The following ADARB2 variants were observed in gnomAD, a reference collection of about 807,000 sequenced individuals.
ADARB2 encodes adenosine deaminase RNA specific B2 (inactive), also known as inactive double-stranded RNA-specific editase B2.
A neutral mutation model predicts 62.2 loss-of-function variants in ADARB2; 25 were observed. The ratio of observed to expected loss-of-function variants is 0.40; its 90% CI spans 0.29 to 0.56. The LOEUF (loss-of-function observed/expected upper bound fraction) is 0.56, where lower values mean the gene tolerates loss of function less well. Among genes scored for constraint, ADARB2 ranks in the 20% least tolerant of loss-of-function variants. The probability of loss-of-function intolerance (pLI) is 0.43; values close to 1 mark genes in which losing one functional copy is unlikely to be tolerated. For synonymous variants in ADARB2, 572 were observed against 500.8 expected, an observed-to-expected ratio of 1.14 and a Z score of -1.90; for missense variants, 1,071 against 1,077.4, an observed-to-expected ratio of 0.99 and a Z score of 0.08.
intron 1 of ADARB2, among the ~76,000 whole-genome samples, chr10:1,596,382 G>T (rs1253699836): frequency 6.6e-6 from 1 of 152,182 alleles, no homozygotes; most frequent in African/African-American, 2.4e-5. Context: ...GGATCCTTTT[G>T]GCCTCCCTGT....
At chr10:1,348,362 G>A (rs745680163) in intron 3 of ADARB2, among the ~76,000 whole-genome samples, 10 of 152,292 alleles carry the variant, frequency 6.6e-5, no homozygotes, top group South Asian at 2.1e-4. Context: ...GGGCCTCTGT[G>A]GTGACTCTGA....
At chr10:1,302,365 C>A (rs1012347597) in intron 3 of ADARB2, among the ~76,000 whole-genome samples, 1 of 152,224 alleles carries the variant, frequency 6.6e-6, no homozygotes, top group Non-Finnish European at 1.5e-5. Flanking sequence ...CCACACCTGG[C>A]TCGGAGGGTC....
At chr10:1,474,496 C>T (rs1831372483) in intron 1 of ADARB2, among the ~76,000 whole-genome samples, 1 of 152,196 alleles carries the variant, frequency 6.6e-6, no homozygotes, top group Admixed American at 6.5e-5. Flanking sequence ...TCCCAGGAGG[C>T]TGGTGGCACC....
At position 1,437,231 on chromosome 10, in the gene ADARB2, T is replaced by C. The variant is rs1033792680; in HGVS notation, c.101-58071A>G. On this transcript the variant is annotated intron_variant, in intron 1 of 9. Transcript: ENST00000381312. ...ATAATTTGGTATACATATATATATA[T>C]ACACACACACACATATATATACACA... Among the ~76,000 whole-genome samples, 13 of 146,268 alleles carry C rather than the reference T, an allele frequency of 8.9e-5. 1 individual carries two copies. The highest frequency in any genetic ancestry group is 6.7e-4 in the South Asian group (3 of 4,508).
intron 1 of ADARB2, among the ~76,000 whole-genome samples, chr10:1,729,193 AC>A (rs1835202333): frequency 1.3e-5 from 2 of 152,126 alleles, no homozygotes; most frequent in South Asian, 4.1e-4. Context: ...AAATTAGGCT[AC>A]CTATGTTTTT....
chr10:1,267,465 G>C (rs369589424), intron 4 of ADARB2, among the ~76,000 whole-genome samples: 1 of 152,236 alleles, frequency 6.6e-6, no homozygotes, highest in Non-Finnish European at 1.5e-5. Context: ...CACTGGAAGA[G>C]CAGGACGCCG....
At chr10:1,214,935 T>C (rs1837213090) in intron 7 of ADARB2, among the ~76,000 whole-genome samples, 1 of 152,202 alleles carries the variant, frequency 6.6e-6, no homozygotes, top group Non-Finnish European at 1.5e-5. Context: ...GGGCACCATT[T>C]TCCCCAGCTC....
At chr10:1,265,244 A>G (rs1831182671) in intron 4 of ADARB2, among the ~76,000 whole-genome samples, 1 of 152,264 alleles carries the variant, frequency 6.6e-6, no homozygotes, top group Non-Finnish European at 1.5e-5. Context: ...ATGTCAATCA[A>G]ACTGATTAGT....
At position 1,316,069 on chromosome 10, in the gene ADARB2, A is replaced by C. The variant is rs146371180; in HGVS notation, c.1078-45000T>G. 2.8e-3 allele frequency among the ~76,000 whole-genome samples: 434 copies of C among 152,322 alleles called. 4 individuals are homozygous for C. The highest frequency in any genetic ancestry group is 0.01 in the African/African-American group (419 of 41,568). On this transcript the variant is annotated intron_variant, in intron 3 of 9. Transcript: ENST00000381312. ...TATGTCAGGATTTTGGGCACTCACA[A>C]ATGTTCAGGAGCAATTAATGTTAAA...
chr10:1,316,660 G>A (rs187815770), intron 3 of ADARB2, among the ~76,000 whole-genome samples: 42 of 152,254 alleles, frequency 2.8e-4, no homozygotes, highest in Admixed American at 2.7e-3. Flanking sequence ...TGAGAATCTC[G>A]CAGAAGCAGG....
intron 1 of ADARB2, among the ~76,000 whole-genome samples, chr10:1,613,710 C>T (rs1833598101): frequency 6.6e-6 from 1 of 152,178 alleles, no homozygotes; most frequent in Non-Finnish European, 1.5e-5. Context: ...AGACATGTTT[C>T]TTATTAGCTG....
At chr10:1,184,381 T>C (rs876631) in intron 9 of ADARB2, among the ~76,000 whole-genome samples, 98,785 of 152,132 alleles carry the variant, frequency 0.65, 32,198 homozygotes, top group Middle Eastern at 0.79. Flanking sequence ...GAAGGAGAAA[T>C]TTGCTCCTAA....
intron 8 of ADARB2, among the ~76,000 whole-genome samples, chr10:1,192,094 T>A (rs1836852764): frequency 6.6e-6 from 1 of 152,252 alleles, no homozygotes. Flanking sequence ...TTTACCTTTT[T>A]AAAAAGGCAT....
intron 1 of ADARB2, among the ~76,000 whole-genome samples, chr10:1,711,167 G>A (rs540118246): frequency 1.3e-5 from 2 of 152,300 alleles, no homozygotes; most frequent in African/African-American, 4.8e-5. Context: ...TGGAAGCTCA[G>A]GGCTGGATCT....
At chr10:1,460,014 CAAACCT>C (rs2131907962) in intron 1 of ADARB2, among the ~76,000 whole-genome samples, 6 of 97,592 alleles carry the variant, frequency 6.1e-5, no homozygotes, top group African/African-American at 2.1e-4. Context: ...ACCTGCGTAA[CAAACCT>C]GCCTGTGACC....
rs919028951 is a variant in ADARB2 at position 1,181,954 on chromosome 10, T to G, written c.*1239A>C. ...GGCTCTCAGGGATGATGCTGTGGGC[T>G]AAAGCCCCCATGTCCCATCTCCACT... On this transcript the variant is annotated 3_prime_UTR_variant, in exon 10 of 10. Coordinates refer to ENST00000381312, the MANE Select transcript of ADARB2 (RefSeq NM_018702.4). 3.3e-5 allele frequency: 5 copies of G among 152,248 alleles called. No homozygotes were observed. The highest frequency in any genetic ancestry group is 6.5e-5 in the Admixed American group (1 of 15,276). 9.4% of individuals were successfully genotyped at this position (152,248 alleles called of 1,614,324 possible). A position where few individuals can be genotyped will look rare whatever the true frequency, so the allele number is the denominator to read the frequency against.
intron 3 of ADARB2, among the ~76,000 whole-genome samples, chr10:1,326,148 G>T (rs185370738): frequency 3.2e-4 from 48 of 152,292 alleles, no homozygotes; most frequent in Non-Finnish European, 3.4e-4. Context: ...ACCCATTTTG[G>T]TGTCTTGTCC....
At chr10:1,713,155 C>T (rs1359515306) in intron 1 of ADARB2, among the ~76,000 whole-genome samples, 3 of 152,214 alleles carry the variant, frequency 2.0e-5, no homozygotes, top group Admixed American at 6.5e-5. Flanking sequence ...GTACCGCTCA[C>T]ACCTGGGTGC....
At chr10:1,307,297 G>A (rs907708247) in intron 3 of ADARB2, among the ~76,000 whole-genome samples, 13 of 96,032 alleles carry the variant, frequency 1.4e-4, no homozygotes, top group Non-Finnish European at 2.5e-4. Context: ...CTCAAAAGAA[G>A]ACATTTATGC....
Sources: gnomAD v4.1 joint callset for allele counts (sites outside exome capture counted in the v4.1 genomes callset) on GRCh38, gnomAD v4.1.1 for gene constraint, MANE v1.5 for transcripts, NCBI Gene and HGNC (gene_info 2026-07-23, HGNC 2026-07-21) for gene names.